MED13L: variants seen among roughly 807,000 people sequenced by gnomAD.
MED13L encodes mediator complex subunit 13L.
Under a neutral mutation model 220.9 loss-of-function variants are expected in MED13L, and 7 were observed. The observed-to-expected ratio is 0.03, with a 90% CI of 0.02 to 0.06. The LOEUF is 0.06. Among genes scored for constraint, MED13L ranks in the 10% least tolerant of loss-of-function variants. MED13L has a pLI of 1.00. For synonymous variants in MED13L, 1,011 were observed against 1,015.2 expected, an observed-to-expected ratio of 1.00 and a Z score of 0.08; for missense variants, 1,965 against 2,760.5, an observed-to-expected ratio of 0.71 and a Z score of 6.46.
intron 11 of MED13L, chr12:116,006,671 G>A (rs1030239985): frequency 1.3e-5 from 7 of 530,746 alleles, no homozygotes; most frequent in Admixed American, 6.5e-5. Flanking sequence ...CAGTACTGGT[G>A]GCATTTGATT....
At chr12:115,978,074 C>G (rs1169138674) in intron 23 of MED13L, among the ~76,000 whole-genome samples, 1 of 151,916 alleles carries the variant, frequency 6.6e-6, no homozygotes, top group East Asian at 1.9e-4. Flanking sequence ...TATAATTAGA[C>G]CCTGTCTAAA....
chr12:116,164,148 A>C (rs1156924697), intron 2 of MED13L, among the ~76,000 whole-genome samples: 1 of 152,222 alleles, frequency 6.6e-6, no homozygotes, highest in East Asian at 1.9e-4. Flanking sequence ...CTTCAAGCAC[A>C]GTATTTCATC....
intron 15 of MED13L, 53 bp from the exon 16 acceptor site, chr12:115,996,734 A>G (rs879197024): frequency 5.5e-6 from 8 of 1,466,880 alleles, no homozygotes; most frequent in Middle Eastern, 1.8e-4. Context: ...TGTAGAACAC[A>G]CCACAGTGGC....
intron 4 of MED13L, among the ~76,000 whole-genome samples, chr12:116,074,243 A>C (rs1870607586): frequency 6.6e-6 from 1 of 152,132 alleles, no homozygotes; most frequent in African/African-American, 2.4e-5. Flanking sequence ...AAAAACACAA[A>C]AAGTAGCCGG....
chr12:116,096,582 T>C, intron 4 of MED13L, 87 bp downstream of exon 4: 3 of 958,162 alleles, frequency 3.1e-6, no homozygotes, highest in Admixed American at 3.5e-5. Context: ...ACTACTAACA[T>C]TATTAGGAAA....
At chr12:116,066,711 A>G (rs1185988387) in intron 4 of MED13L, among the ~76,000 whole-genome samples, 1 of 152,046 alleles carries the variant, frequency 6.6e-6, no homozygotes, top group Non-Finnish European at 1.5e-5. Flanking sequence ...TCTGTAACAA[A>G]ATACAGAGGA....
chr12:116,059,118 C>G (rs997948506), intron 4 of MED13L, among the ~76,000 whole-genome samples: 1 of 152,148 alleles, frequency 6.6e-6, no homozygotes, highest in Non-Finnish European at 1.5e-5. Flanking sequence ...CCCAGGATGG[C>G]GTGCAGTCAC....
At chr12:116,167,021 T>G (rs1284766850) in intron 2 of MED13L, among the ~76,000 whole-genome samples, 1 of 152,110 alleles carries the variant, frequency 6.6e-6, no homozygotes, top group Non-Finnish European at 1.5e-5. Flanking sequence ...AAATTCTTCA[T>G]ACATGACCCC....
intron 23 of MED13L, among the ~76,000 whole-genome samples, chr12:115,979,235 A>G (rs1877162152): frequency 6.6e-6 from 1 of 152,222 alleles, no homozygotes; most frequent in Non-Finnish European, 1.5e-5. Flanking sequence ...GAAAAACGAT[A>G]TTACTCGAAG....
chr12:116,189,937 G>A (rs1881159045), intron 2 of MED13L, among the ~76,000 whole-genome samples: 1 of 152,034 alleles, frequency 6.6e-6, no homozygotes, highest in African/African-American at 2.4e-5. Flanking sequence ...GTTTTTTTGG[G>A]GGGAGGGGAG....
chr12:115,966,554 ATC>A (rs1347090248), intron 28 of MED13L, among the ~76,000 whole-genome samples: 3 of 152,156 alleles, frequency 2.0e-5, no homozygotes, highest in Non-Finnish European at 2.9e-5. Flanking sequence ...AAAGATTACA[ATC>A]TCTGACAGCA....
At chr12:116,059,330 G>A (rs1256187838) in intron 4 of MED13L, among the ~76,000 whole-genome samples, 1 of 152,000 alleles carries the variant, frequency 6.6e-6, no homozygotes, top group Non-Finnish European at 1.5e-5. Flanking sequence ...AAAGTTTTGA[G>A]ATTACAGGCA....
intron 4 of MED13L, among the ~76,000 whole-genome samples, chr12:116,035,098 A>G (rs1881102029): frequency 6.6e-6 from 1 of 152,230 alleles, no homozygotes; most frequent in Non-Finnish European, 1.5e-5. Context: ...ACACTGTGCT[A>G]GATTTAGGGA....
intron 4 of MED13L, among the ~76,000 whole-genome samples, chr12:116,048,793 A>C (rs202176800): frequency 3.3e-5 from 5 of 152,200 alleles, no homozygotes; most frequent in African/African-American, 9.7e-5. Flanking sequence ...TAAGTTACAG[A>C]CAGCCATTAC....
At chr12:116,160,002 T>A (rs1239872558) in intron 2 of MED13L, among the ~76,000 whole-genome samples, 2 of 152,218 alleles carry the variant, frequency 1.3e-5, no homozygotes, top group Non-Finnish European at 2.9e-5. Context: ...TCTGGCCATA[T>A]GGAATCTGTT....
chr12:116,144,730 G>A (rs1052252353), intron 2 of MED13L, among the ~76,000 whole-genome samples: 2 of 152,140 alleles, frequency 1.3e-5, no homozygotes, highest in South Asian at 4.1e-4. Context: ...AAAGTGAGTG[G>A]GTTTTGTTTT....
chr12:116,061,003 T>G (rs760328459), intron 4 of MED13L, among the ~76,000 whole-genome samples: 33 of 152,174 alleles, frequency 2.2e-4, no homozygotes, highest in Admixed American at 9.2e-4. Flanking sequence ...ATCTCCTGCC[T>G]TCTTCTCCTC....
intron 2 of MED13L, among the ~76,000 whole-genome samples, chr12:116,116,827 C>A (rs1203460703): frequency 1.3e-5 from 2 of 151,648 alleles, no homozygotes; most frequent in Non-Finnish European, 2.9e-5. Flanking sequence ...TCCACCTCTG[C>A]AACATTTGGT....
intron 4 of MED13L, among the ~76,000 whole-genome samples, chr12:116,039,067 G>T (rs1385528005): frequency 6.6e-6 from 1 of 152,094 alleles, no homozygotes; most frequent in South Asian, 2.1e-4. Context: ...TTTATTTAAA[G>T]GAAGCTAGTA....
Sources: gnomAD v4.1 joint callset for allele counts (sites outside exome capture counted in the v4.1 genomes callset) on GRCh38, gnomAD v4.1.1 for gene constraint, MANE v1.5 for transcripts, NCBI Gene and HGNC (gene_info 2026-07-23, HGNC 2026-07-21) for gene names.